The following CSMD2 variants were observed in gnomAD, a reference collection of about 807,000 sequenced individuals.
CSMD2 encodes CUB and sushi domain-containing protein 2.
In CSMD2, 130 loss-of-function variants were observed where a neutral mutation model predicts 398.5. The observed-to-expected ratio is 0.33, with a 90% CI of 0.28 to 0.38. CSMD2 has a LOEUF of 0.38. Ranked by LOEUF, CSMD2 falls within the 10% of genes least tolerant of loss-of-function variation. CSMD2 has a pLI of 1.00. For synonymous variants in CSMD2, 1,828 were observed against 1,908.5 expected (o/e 0.96, Z 1.10); for missense variants, 3,829 against 4,764.9 (o/e 0.80, Z 5.78).
chr1:33,755,827 T>G (rs1009205247), intron 13 of CSMD2, among the ~76,000 whole-genome samples: 7 of 150,718 alleles, frequency 4.6e-5, no homozygotes, highest in Non-Finnish European at 8.8e-5. Context: ...TTTTATTTTT[T>G]TTTAAGAGAT....
chr1:33,792,749 T>A (rs968338803), intron 10 of CSMD2, among the ~76,000 whole-genome samples: 3 of 152,212 alleles, frequency 2.0e-5, no homozygotes, highest in Admixed American at 2.0e-4. Context: ...AAGATGTTCA[T>A]AGCACATCTG....
In CSMD2 at chr1:33,556,210, C is replaced by T. The variant is rs971697160; in HGVS notation, c.8743+1524G>A. ...TACTAGAAGAAAAAACAATTTGAGT[C>T]CACTAGGGGCTGTGACTCTCAGCTG... On this transcript the variant is annotated intron_variant, in intron 55 of 70. Coordinates refer to ENST00000373381, the MANE Select transcript of CSMD2 (RefSeq NM_001281956.2). Among the ~76,000 whole-genome samples, 11 of 152,160 alleles carry T rather than the reference C, an allele frequency of 7.2e-5. 1 individual carries two copies. The highest frequency in any genetic ancestry group is 4.1e-4 in the South Asian group (2 of 4,828).
intron 9 of CSMD2, 21 bp downstream of exon 9, chr1:33,819,692 C>T (rs764913435): frequency 2.5e-5 from 41 of 1,610,710 alleles, no homozygotes; most frequent in Non-Finnish European, 3.4e-5. Flanking sequence ...GGCCAGCCTC[C>T]CTTCCCCAGG....
intron 3 of CSMD2, among the ~76,000 whole-genome samples, chr1:34,028,214 C>T (rs574758419): frequency 1.3e-5 from 2 of 152,144 alleles, no homozygotes; most frequent in East Asian, 1.9e-4. Context: ...CCAGCTACTT[C>T]AGGGGCTGAG....
At chr1:34,014,654 T>A (rs535443208) in intron 3 of CSMD2, among the ~76,000 whole-genome samples, 1 of 152,382 alleles carries the variant, frequency 6.6e-6, no homozygotes, top group Non-Finnish European at 1.5e-5. Flanking sequence ...TCTGATTTTT[T>A]ATCTGTCTCC....
At chr1:33,577,156 G>A (rs1638323130) in intron 49 of CSMD2, 140 bp downstream of exon 49, 1 of 802,906 alleles carries the variant, frequency 1.2e-6, no homozygotes, top group South Asian at 2.0e-5. Context: ...ACGCACTACA[G>A]ATCTTGTAAA....
intron 2 of CSMD2, among the ~76,000 whole-genome samples, chr1:34,080,976 A>AAGAAAGAAAGAAAGAAATGC (rs1558349704): frequency 2.0e-5 from 3 of 150,010 alleles, no homozygotes; most frequent in Non-Finnish European, 4.4e-5. Flanking sequence ...GAAAGAAAGA[A>AAGAAAGAAAGAAAGAAATGC]ATGCACAGGA....
chr1:33,552,254 A>G (rs898148576), intron 55 of CSMD2, among the ~76,000 whole-genome samples: 3 of 152,234 alleles, frequency 2.0e-5, no homozygotes, highest in Non-Finnish European at 4.4e-5. Context: ...ATGAACAATA[A>G]CAAGCATAGG....
intron 1 of CSMD2, among the ~76,000 whole-genome samples, chr1:34,162,393 C>G (rs756890152): frequency 6.6e-6 from 1 of 152,084 alleles, no homozygotes; most frequent in Non-Finnish European, 1.5e-5. Flanking sequence ...GGAAGGGAGA[C>G]GGTTCAGTCC....
chr1:34,149,133 A>G (rs1640053153), intron 1 of CSMD2, among the ~76,000 whole-genome samples: 1 of 152,122 alleles, frequency 6.6e-6, no homozygotes, highest in Non-Finnish European at 1.5e-5. Flanking sequence ...TGTGCTTCCT[A>G]CCTTCACAGC....
At chr1:33,920,578 G>T (rs867357915) in intron 4 of CSMD2, among the ~76,000 whole-genome samples, 6 of 148,460 alleles carry the variant, frequency 4.0e-5, no homozygotes, top group Non-Finnish European at 6.0e-5. Flanking sequence ...GACCCAAAGG[G>T]CTGGAATGCA....
At chr1:33,920,304 G>A (rs903548714) in intron 4 of CSMD2, among the ~76,000 whole-genome samples, 4 of 151,576 alleles carry the variant, frequency 2.6e-5, no homozygotes, top group South Asian at 2.1e-4. Flanking sequence ...CGAGGTGGGC[G>A]GATCAACTGA....
intron 21 of CSMD2, among the ~76,000 whole-genome samples, chr1:33,713,826 G>A (rs1390375901): frequency 6.6e-6 from 1 of 152,134 alleles, no homozygotes; most frequent in Non-Finnish European, 1.5e-5. Flanking sequence ...CATCAGAGAG[G>A]CCTTTTCTGA....
intron 6 of CSMD2, among the ~76,000 whole-genome samples, chr1:33,838,044 G>A (rs150753035): frequency 5.3e-5 from 8 of 152,324 alleles, no homozygotes; most frequent in Admixed American, 1.3e-4. Flanking sequence ...GAGAGCAAAG[G>A]GAGGCCTAAC....
rs12046327 is a variant in CSMD2, at chr1:33,896,134, T to C, written c.920+21960A>G. ...GAGCACATATCAGGGGACTGAAATA[T>C]GTAGATTTTGATGATGAATTCATGC... On this transcript the variant is annotated intron_variant, in intron 5 of 70. Transcript: ENST00000373381. Among the ~76,000 whole-genome samples, 310 of 152,232 alleles carry C rather than the reference T, an allele frequency of 2.0e-3. 5 individuals are homozygous for C. In the East Asian group the frequency reaches 0.056, roughly 28 times the overall value.
intron 13 of CSMD2, among the ~76,000 whole-genome samples, chr1:33,757,572 T>G (rs781513313): frequency 2.0e-5 from 3 of 152,096 alleles, no homozygotes; most frequent in Non-Finnish European, 2.9e-5. Flanking sequence ...TGCCACTGCC[T>G]CCAAAATAAA....
intron 4 of CSMD2, among the ~76,000 whole-genome samples, chr1:33,923,272 G>C (rs1644013043): frequency 6.6e-6 from 1 of 152,150 alleles, no homozygotes; most frequent in Non-Finnish European, 1.5e-5. Context: ...TCATGGCTTG[G>C]TGCTGTCCTT....
chr1:34,063,758 A>G (rs1454652142), intron 2 of CSMD2, among the ~76,000 whole-genome samples: 1 of 152,072 alleles, frequency 6.6e-6, no homozygotes, highest in Non-Finnish European at 1.5e-5. Context: ...CACTAGATGG[A>G]GCTCCGATGG....
At chr1:34,103,289 CTTTTTTTT>C (rs1377493597) in intron 1 of CSMD2, among the ~76,000 whole-genome samples, 1 of 106,988 alleles carries the variant, frequency 9.3e-6, no homozygotes, top group Admixed American at 9.4e-5. Context: ...ACTCCTTGAG[CTTTTTTTT>C]TTTTTTTTTT....
Sources: allele counts gnomAD v4.1 joint callset (sites outside exome capture counted in the v4.1 genomes callset), GRCh38; gene constraint gnomAD v4.1.1; transcripts MANE v1.5; gene names NCBI Gene and HGNC (gene_info 2026-07-23, HGNC 2026-07-21).